DGKI: variants seen among roughly 807,000 people sequenced by gnomAD.
DGKI encodes the protein DAG kinase iota.
A neutral mutation model predicts 147.5 loss-of-function variants in DGKI; 55 were observed. That is an observed-to-expected ratio of 0.37 (90% CI 0.30 to 0.47). The LOEUF (loss-of-function observed/expected upper bound fraction) is 0.47. Ranked by LOEUF, DGKI falls within the 20% of genes least tolerant of loss-of-function variation. The probability of loss-of-function intolerance (pLI) is 1.00; values close to 1 mark genes in which losing one functional copy is unlikely to be tolerated. For synonymous variants in DGKI, 469 were observed against 477.1 expected (o/e 0.98, Z 0.22); for missense variants, 1,007 against 1,323.8 (o/e 0.76, Z 3.71).
chr7:137,799,619 G>T (rs746699860), intron 1 of DGKI, among the ~76,000 whole-genome samples: 11 of 152,116 alleles, frequency 7.2e-5, no homozygotes, highest in Non-Finnish European at 1.2e-4. Flanking sequence ...TTGATATTAT[G>T]GTTCATCCAT....
intron 30 of DGKI, among the ~76,000 whole-genome samples, chr7:137,406,535 G>A (rs1453492415): frequency 6.6e-6 from 1 of 152,112 alleles, no homozygotes; most frequent in East Asian, 1.9e-4. Context: ...TTCAGACCAA[G>A]GGTTCAAGCA....
At chr7:137,510,391 T>C (rs1816539990) in intron 21 of DGKI, among the ~76,000 whole-genome samples, 1 of 152,246 alleles carries the variant, frequency 6.6e-6, no homozygotes, top group Non-Finnish European at 1.5e-5. Flanking sequence ...TAGCATGCCC[T>C]TGACAATGGA....
At chr7:137,405,097 A>T (rs1039641604) in intron 30 of DGKI, among the ~76,000 whole-genome samples, 13 of 151,782 alleles carry the variant, frequency 8.6e-5, no homozygotes, top group African/African-American at 3.2e-4. Context: ...TCATCCCAGG[A>T]CTCATCATTC....
At position 137,846,134 on chromosome 7, in the gene DGKI, TTCTCTC is replaced by T. The variant is rs775814446; in HGVS notation, c.401+322_401+327del. 1.2e-4 allele frequency among the ~76,000 whole-genome samples: 10 copies of T among 85,374 alleles called. No homozygotes were observed. Among genetic ancestry groups the T allele is most frequent in the South Asian group, 4.2e-4 (1 of 2,402 alleles). The allele number at this position is 85,374 out of a possible 152,430, so 56.0% of individuals were successfully genotyped here. A position where few individuals can be genotyped will look rare whatever the true frequency, so the allele number is the denominator to read the frequency against. ...TCTGCAACCCTTTCTCTCTCTCTCT[TTCTCTC>T]TCTCTCTCTCTCTCTCTCTCTCACA... On this transcript the variant is annotated intron_variant, in intron 1 of 32. Coordinates refer to ENST00000614521, the MANE Select transcript of DGKI (RefSeq NM_001321708.2). The surrounding 1 kb of genome is among the most constrained non-coding windows in gnomAD (Gnocchi z 4.0).
intron 10 of DGKI, among the ~76,000 whole-genome samples, chr7:137,606,681 CA>C (rs762965193): frequency 3.3e-5 from 5 of 152,148 alleles, no homozygotes; most frequent in Non-Finnish European, 7.3e-5. Context: ...ATATTTTAAA[CA>C]GCAAAAAAAC....
chr7:137,403,818 A>G (rs910615103), intron 30 of DGKI, among the ~76,000 whole-genome samples: 2 of 152,182 alleles, frequency 1.3e-5, no homozygotes, highest in African/African-American at 4.8e-5. Flanking sequence ...GTCTTTCTTG[A>G]TCTTCGGCAT....
intron 3 of DGKI, among the ~76,000 whole-genome samples, chr7:137,664,234 T>C (rs1445584067): frequency 2.0e-5 from 3 of 151,380 alleles, no homozygotes; most frequent in Non-Finnish European, 4.4e-5. Context: ...AAAAATTAGC[T>C]GGGCATGGTG....
At chr7:137,607,016 A>C (rs1820207472) in intron 10 of DGKI, among the ~76,000 whole-genome samples, 1 of 152,230 alleles carries the variant, frequency 6.6e-6, no homozygotes, top group Non-Finnish European at 1.5e-5. Flanking sequence ...ATCGGGGCAT[A>C]GTGGACAGGA....
intron 1 of DGKI, among the ~76,000 whole-genome samples, chr7:137,840,493 A>C (rs749126527): frequency 1.1e-4 from 16 of 152,252 alleles, no homozygotes; most frequent in Non-Finnish European, 2.2e-4. Flanking sequence ...GAAAGGGATG[A>C]GACAGACAGA....
At chr7:137,763,735 A>G (rs1475264558) in intron 1 of DGKI, among the ~76,000 whole-genome samples, 1 of 152,236 alleles carries the variant, frequency 6.6e-6, no homozygotes, top group Non-Finnish European at 1.5e-5. Flanking sequence ...ATCTGGGCTA[A>G]AAAGTTTTGA....
intron 23 of DGKI, among the ~76,000 whole-genome samples, chr7:137,474,817 G>A (rs929383543): frequency 2.6e-5 from 4 of 152,306 alleles, no homozygotes; most frequent in African/African-American, 7.2e-5. Flanking sequence ...CTGATGGGAA[G>A]CACACCAGCT....
chr7:137,508,030 TA>T (rs1420552184), intron 21 of DGKI, among the ~76,000 whole-genome samples: 1 of 151,990 alleles, frequency 6.6e-6, no homozygotes, highest in Non-Finnish European at 1.5e-5. Flanking sequence ...GGAAGGTAGG[TA>T]GGTACAGAGT....
chr7:137,444,442 G>C (rs1193509122), intron 27 of DGKI, among the ~76,000 whole-genome samples: 1 of 152,210 alleles, frequency 6.6e-6, no homozygotes, highest in Non-Finnish European at 1.5e-5. Context: ...CAAGGACATG[G>C]CTCCAGCCAG....
chr7:137,465,761 T>G, intron 26 of DGKI, 147 bp downstream of exon 26: 1 of 1,110,998 alleles, frequency 9.0e-7, no homozygotes, highest in Non-Finnish European at 1.2e-6. Flanking sequence ...TAAGACAGAC[T>G]TATAATAACC....
At chr7:137,696,475 A>C (rs1179796713) in intron 1 of DGKI, among the ~76,000 whole-genome samples, 3 of 91,788 alleles carry the variant, frequency 3.3e-5, no homozygotes, top group African/African-American at 1.3e-4. Flanking sequence ...CTTAATGTGT[A>C]AAAATGGCCT....
At chr7:137,750,965 G>A (rs11974351) in intron 1 of DGKI, among the ~76,000 whole-genome samples, 37,830 of 151,772 alleles carry the variant, frequency 0.25, 4,846 homozygotes, top group South Asian at 0.29. Flanking sequence ...TAGATCTCTC[G>A]GCCCCCGTCT....
chr7:137,491,899 G>C (rs1815776439), intron 21 of DGKI, among the ~76,000 whole-genome samples: 1 of 152,218 alleles, frequency 6.6e-6, no homozygotes, highest in Non-Finnish European at 1.5e-5. Context: ...CAGGTCTGGA[G>C]CTGTTGGGGC....
intron 3 of DGKI, among the ~76,000 whole-genome samples, chr7:137,666,396 C>G (rs1026063838): frequency 3.3e-5 from 5 of 152,250 alleles, no homozygotes; most frequent in Admixed American, 2.0e-4. Context: ...TGGCAGAATT[C>G]TGTCTCTAAA....
intron 17 of DGKI, among the ~76,000 whole-genome samples, 154 bp from the exon 18 acceptor site, chr7:137,572,992 A>C (rs1215564985): frequency 2.0e-5 from 3 of 152,182 alleles, no homozygotes; most frequent in Non-Finnish European, 4.4e-5. Context: ...TTAAAAATAT[A>C]TTCTGGTTAT....
Sources: gnomAD v4.1 joint callset for allele counts (sites outside exome capture counted in the v4.1 genomes callset) on GRCh38, gnomAD v4.1.1 for gene constraint, Gnocchi (gnomAD v3.1) non-coding constraint, MANE v1.5 for transcripts, NCBI Gene and HGNC (gene_info 2026-07-23, HGNC 2026-07-21) for gene names.